The following KIF20B variants were observed in gnomAD, a reference collection of about 807,000 sequenced individuals.
KIF20B encodes kinesin-like protein KIF20B.
A neutral mutation model predicts 232.5 loss-of-function variants in KIF20B; 188 were observed. The ratio of observed to expected loss-of-function variants is 0.81; its 90% CI spans 0.72 to 0.91. The LOEUF (loss-of-function observed/expected upper bound fraction) is 0.91, where lower values mean the gene tolerates loss of function less well. Among genes scored for constraint, KIF20B ranks in the 40% least tolerant of loss-of-function variants. The pLI is 0.00. For missense variants in KIF20B, 2,154 were observed against 2,055.9 expected, an observed-to-expected ratio of 1.05 and a Z score of -0.92; for synonymous variants, 712 against 683.0, an observed-to-expected ratio of 1.04 and a Z score of -0.66.
chr10:89,767,732 T>C (rs528688104), intron 29 of KIF20B, among the ~76,000 whole-genome samples: 4 of 152,154 alleles, frequency 2.6e-5, no homozygotes, highest in South Asian at 4.1e-4. Context: ...AGTTTTAACA[T>C]TTTACCTTTG....
intron 6 of KIF20B, 33 bp from the exon 7 acceptor site, chr10:89,714,014 T>G (rs777594902): frequency 1.8e-6 from 2 of 1,117,304 alleles, no homozygotes; most frequent in Admixed American, 5.2e-5. Flanking sequence ...ATGAAAATGT[T>G]TTTTTAATTT....
intron 23 of KIF20B, among the ~76,000 whole-genome samples, chr10:89,746,365 A>G (rs1460554680): frequency 1.3e-5 from 2 of 152,152 alleles, no homozygotes; most frequent in Non-Finnish European, 2.9e-5. Context: ...CTGCAGATGT[A>G]TGGGGAGCCA....
chr10:89,709,060 T>C, intron 2 of KIF20B, 107 bp from the exon 3 acceptor site: 1 of 749,710 alleles, frequency 1.3e-6, no homozygotes, highest in Admixed American at 2.6e-5. Context: ...TTAGAAATTC[T>C]TTATCATCTC....
Position 89,724,098 on chromosome 10 carries a change from C to A in KIF20B, c.1857C>A (p.Asp619Glu). Residue 619 changes from aspartate (D) to glutamate (E), a missense_variant, in exon 14 of 33, where the codon GAC becomes GAA. Physicochemically the swap from Asp to Glu is conservative, Grantham distance 45 (BLOSUM62 2). Transcript: ENST00000371728. ...FTQYWAQREA[D>E]FKETLLQERE... The stretch of plus-strand genomic sequence containing the variant: ...AGTATTGGGCTCAACGGGAAGCTGA[C>A]TTTAAGTAAGTTATTTATTTCATGT... 6.8e-7 allele frequency: 1 copy of A among 1,474,002 alleles called. No individual in the cohort carries two copies. The highest frequency in any genetic ancestry group is 1.5e-5 in the South Asian group (1 of 65,542). The allele number at this position is 1,474,002 out of a possible 1,614,324, so 91.3% of individuals were successfully genotyped here. A position where few individuals can be genotyped will look rare whatever the true frequency, so the allele number is the denominator to read the frequency against.
Position 89,724,073 on chromosome 10 carries a change from A to G in KIF20B, c.1832A>G (p.Gln611Arg). The stretch of plus-strand genomic sequence containing the variant: ...GAAGAAGTTACACAGGAGTTTACTC[A>G]GTATTGGGCTCAACGGGAAGCTGAC... ...IREEVTQEFTQYWAQREADFK... is the reference protein window; with the variant it reads ...IREEVTQEFTRYWAQREADFK... Residue 611 changes from glutamine to arginine, a missense_variant, in exon 14 of 33, where the codon CAG becomes CGG. Physicochemically the swap from Gln to Arg is conservative, Grantham distance 43. Coordinates refer to ENST00000371728, the MANE Select transcript of KIF20B (RefSeq NM_001284259.2). The G allele has an allele frequency of 6.5e-7, 1 of 1,530,500 alleles. No individual in the cohort carries two copies. The highest frequency in any genetic ancestry group is 2.3e-5 in the Admixed American group (1 of 44,000). The allele number at this position is 1,530,500 out of a possible 1,614,324, so 94.8% of individuals were successfully genotyped here.
rs767920353 is a variant in KIF20B, at chr10:89,717,476, C to T, written c.1105C>T (p.Arg369Cys). The stretch of plus-strand genomic sequence containing the variant: ...ACAGATTGAAGATTCTGAAATGTCT[C>T]GTGTAATTCGAGTCAGTGAGTAAGT... Reference protein sequence around the residue: ...ILQIEDSEMSRVIRVSELSLC... With the variant: ...ILQIEDSEMSCVIRVSELSLC... The change falls in exon 10 of 33, where the codon CGT becomes TGT. Residue 369 changes from arginine (R) to cysteine (C), a missense_variant. Arg to Cys is a radical substitution (Grantham distance 180). Coordinates refer to ENST00000371728, the MANE Select transcript of KIF20B (RefSeq NM_001284259.2). 16 of 1,596,660 alleles carry T rather than the reference C, an allele frequency of 1.0e-5. No individual in the cohort carries two copies. Among genetic ancestry groups the T allele is most frequent in the Admixed American group, 5.0e-5 (3 of 59,672 alleles).
intron 26 of KIF20B, among the ~76,000 whole-genome samples, chr10:89,757,022 T>TTTGTGTG (rs1554852902): frequency 2.4e-5 from 3 of 122,832 alleles, no homozygotes; most frequent in African/African-American, 6.6e-5. Flanking sequence ...TATATCTCTG[T>TTTGTGTG]TGTGTGTGTG....
chr10:89,731,776 T>G (rs1220591102), intron 18 of KIF20B, among the ~76,000 whole-genome samples: 1 of 152,196 alleles, frequency 6.6e-6, no homozygotes, highest in Non-Finnish European at 1.5e-5. Context: ...CATGATTTTG[T>G]CATTTATCAG....
chr10:89,749,829 C>T (rs1469703669), intron 23 of KIF20B, among the ~76,000 whole-genome samples: 1 of 152,046 alleles, frequency 6.6e-6, no homozygotes, highest in Non-Finnish European at 1.5e-5. Context: ...CTTTTATGAA[C>T]ATTTATATGC....
At chr10:89,734,155 A>G (rs1043712134) in intron 19 of KIF20B, among the ~76,000 whole-genome samples, 7 of 152,094 alleles carry the variant, frequency 4.6e-5, no homozygotes, top group African/African-American at 1.7e-4. Flanking sequence ...CATGCCTGTA[A>G]TCCTAGCACT....
At chr10:89,761,879 A>G (rs1173011355) in intron 28 of KIF20B, among the ~76,000 whole-genome samples, 2 of 152,290 alleles carry the variant, frequency 1.3e-5, no homozygotes, top group Non-Finnish European at 2.9e-5. Flanking sequence ...TAATTCCAGC[A>G]GTTATTTTAT....
At chr10:89,725,824 G>GT (rs1051577277) in intron 15 of KIF20B, among the ~76,000 whole-genome samples, 14 of 150,990 alleles carry the variant, frequency 9.3e-5, no homozygotes, top group South Asian at 4.2e-4. Context: ...GGGGGAGTTG[G>GT]TTTTTTTTTG....
At chr10:89,722,766 AAAGT>A (rs1265725292) in intron 13 of KIF20B, among the ~76,000 whole-genome samples, 1 of 133,930 alleles carries the variant, frequency 7.5e-6, no homozygotes, top group Non-Finnish European at 1.6e-5. Flanking sequence ...TTTTACTCAG[AAAGT>A]ATGTAGTTTA....
intron 29 of KIF20B, among the ~76,000 whole-genome samples, chr10:89,767,746 A>T (rs1019002941): frequency 6.6e-5 from 10 of 152,016 alleles, no homozygotes; most frequent in Non-Finnish European, 1.0e-4. Context: ...ACCTTTGGTT[A>T]TTTGAAGTTT....
chr10:89,770,802 C>T (rs1333208380), intron 31 of KIF20B, among the ~76,000 whole-genome samples: 1 of 151,992 alleles, frequency 6.6e-6, no homozygotes, highest in Non-Finnish European at 1.5e-5. Context: ...TATCACTGGT[C>T]TCCCAGCTTG....
At position 89,737,747 on chromosome 10, in the gene KIF20B, A is replaced by T; in HGVS notation, c.2906A>T (p.Glu969Val). The stretch of plus-strand genomic sequence containing the variant: ...ATCATGAAATTGTCAAATGAGATAG[A>T]AACTGCTACAAGAAGCATTACAAAT... Reference protein sequence around the residue: ...EKIMKLSNEIETATRSITNNV... With the variant: ...EKIMKLSNEIVTATRSITNNV... The change falls in exon 20 of 33, where the codon GAA (glutamate) becomes GTA (valine). Residue 969 changes from glutamate (E) to valine (V), a missense_variant. By Grantham distance (121) the Glu-to-Val change is moderately radical (BLOSUM62 -2). Transcript: ENST00000371728. 1.2e-6 allele frequency: 2 copies of T among 1,612,332 alleles called. No individual in the cohort carries two copies. The highest frequency in any genetic ancestry group is 2.2e-5 in the East Asian group (1 of 44,806).
rs576393674 is a variant in KIF20B, at chr10:89,737,862, C to G, written c.3021C>G (p.Leu1007=). The part of the protein sequence containing the change: ...SVSQISNIDL[L]NLRDLSNGSE... ...CTCAGATTTCAAACATAGATTTGCTCAATCTCAGGGATCTGTCAAATGGTT... is the reference window on the plus strand; with the variant it reads ...CTCAGATTTCAAACATAGATTTGCTGAATCTCAGGGATCTGTCAAATGGTT... The change falls in exon 20 of 33, where the codon CTC becomes CTG. Residue 1007 remains leucine (L), a synonymous_variant. Coordinates refer to ENST00000371728, the MANE Select transcript of KIF20B (RefSeq NM_001284259.2). 1 of 1,613,350 alleles carries G rather than the reference C, an allele frequency of 6.2e-7. No homozygotes were observed. The highest frequency in any genetic ancestry group is 1.3e-5 in the African/African-American group (1 of 75,036).
chr10:89,703,740 C>G (rs1842661677), intron 1 of KIF20B, among the ~76,000 whole-genome samples: 1 of 147,752 alleles, frequency 6.8e-6, no homozygotes, highest in Non-Finnish European at 1.5e-5. Context: ...CTTTGGCGCC[C>G]CAGCAGGCTT....
At chr10:89,729,868 CA>C (rs1843280971) in intron 18 of KIF20B, among the ~76,000 whole-genome samples, 1 of 152,072 alleles carries the variant, frequency 6.6e-6, no homozygotes, top group Non-Finnish European at 1.5e-5. Flanking sequence ...TAAGCTCCTT[CA>C]AATTATTCTT....
Sources: allele counts gnomAD v4.1 joint callset (sites outside exome capture counted in the v4.1 genomes callset), GRCh38; gene constraint gnomAD v4.1.1; transcripts MANE v1.5; gene names NCBI Gene and HGNC (gene_info 2026-07-23, HGNC 2026-07-21).